The following GALNT13 variants were observed in gnomAD, a reference collection of about 807,000 sequenced individuals.
GALNT13 encodes the protein polypeptide N-acetylgalactosaminyltransferase 13.
Under a neutral mutation model 64.2 loss-of-function variants are expected in GALNT13, and 28 were observed. The observed-to-expected ratio is 0.44, with a 90% CI of 0.32 to 0.60. The LOEUF is 0.60. Among genes scored for constraint, GALNT13 ranks in the 20% least tolerant of loss-of-function variants. GALNT13 has a pLI of 0.05. For missense variants in GALNT13, 577 were observed against 669.8 expected (o/e 0.86, Z 1.53); for synonymous variants, 214 against 224.6 (o/e 0.95, Z 0.42).
the GALNT13 span, among the ~76,000 whole-genome samples, chr2:153,338,224 T>C: frequency 6.6e-6 from 1 of 152,038 alleles, no homozygotes; most frequent in African/African-American, 2.4e-5. Context: ...GCCCAGAAGA[T>C]TGAGGCTGCA....
chr2:154,314,138 G>A (rs538808095), intron 9 of GALNT13, among the ~76,000 whole-genome samples: 1 of 152,150 alleles, frequency 6.6e-6, no homozygotes, highest in Admixed American at 6.5e-5. Context: ...AAGTACATAC[G>A]GAGGCTTTAT....
chr2:153,539,598 GC>G, the GALNT13 span, among the ~76,000 whole-genome samples: 1 of 151,706 alleles, frequency 6.6e-6, no homozygotes, highest in Non-Finnish European at 1.5e-5. Context: ...TCCAGTTTCA[GC>G]TTTCTACATA....
the GALNT13 span, among the ~76,000 whole-genome samples, chr2:153,499,982 C>T: frequency 1.3e-5 from 2 of 152,124 alleles, no homozygotes; most frequent in Admixed American, 1.3e-4. Context: ...TGCTTGTTCC[C>T]ACCAGCTCCC....
rs879810116 is a variant in GALNT13 at position 154,123,684 on chromosome 2, A to G, written c.143-16653A>G. On this transcript the variant is annotated intron_variant, in intron 3 of 12. Transcript: ENST00000392825. ...TTCTTATAAAGTTAAGAAATGTACTACCATTTAATCCAGAAAATGACTATT... is the reference window on the plus strand; with the variant it reads ...TTCTTATAAAGTTAAGAAATGTACTGCCATTTAATCCAGAAAATGACTATT... Among the ~76,000 whole-genome samples, 3 of 152,032 alleles carry G rather than the reference A, an allele frequency of 2.0e-5. No homozygotes were observed. The South Asian group carries it at 6.2e-4, about 31-fold the overall frequency.
At chr2:153,453,651 G>A in the GALNT13 span, among the ~76,000 whole-genome samples, 1 of 152,120 alleles carries the variant, frequency 6.6e-6, no homozygotes, top group Non-Finnish European at 1.5e-5. Flanking sequence ...AAAGAGAATA[G>A]TTTTACACTG....
chr2:154,159,463 C>A (rs959738635), intron 4 of GALNT13, among the ~76,000 whole-genome samples: 1 of 152,088 alleles, frequency 6.6e-6, no homozygotes, highest in African/African-American at 2.4e-5. Flanking sequence ...AGGGGACTTT[C>A]ATCTGTATGG....
At chr2:153,661,510 G>A in the GALNT13 span, among the ~76,000 whole-genome samples, 1 of 151,924 alleles carries the variant, frequency 6.6e-6, no homozygotes, top group African/African-American at 2.4e-5. Context: ...CTAATTGTAA[G>A]AAGAAAAACA....
At chr2:154,306,911 A>G (rs1171824216) in intron 9 of GALNT13, among the ~76,000 whole-genome samples, 1 of 152,030 alleles carries the variant, frequency 6.6e-6, no homozygotes, top group African/African-American at 2.4e-5. Flanking sequence ...ATAATTTTTC[A>G]TCTTGTGGCT....
At chr2:153,706,570 C>T in the GALNT13 span, among the ~76,000 whole-genome samples, 4 of 152,146 alleles carry the variant, frequency 2.6e-5, no homozygotes, top group African/African-American at 4.8e-5. Flanking sequence ...GTAAAGTATA[C>T]GTGTGTGCAC....
intron 4 of GALNT13, among the ~76,000 whole-genome samples, chr2:154,237,975 C>G (rs1474363299): frequency 1.3e-5 from 2 of 151,964 alleles, no homozygotes. Context: ...TGTTAATCAA[C>G]AGCTGACTGA....
intron 3 of GALNT13, among the ~76,000 whole-genome samples, chr2:153,994,831 T>G (rs1695410314): frequency 6.6e-6 from 1 of 152,110 alleles, no homozygotes; most frequent in Non-Finnish European, 1.5e-5. Context: ...TTTTTTCAGA[T>G]GAGTAGATTG....
At chr2:154,148,438 A>C (rs1347140842) in intron 4 of GALNT13, among the ~76,000 whole-genome samples, 3 of 152,094 alleles carry the variant, frequency 2.0e-5, no homozygotes, top group East Asian at 1.9e-4. Flanking sequence ...TGGGTATATA[A>C]CCAGTAATGG....
chr2:153,328,339 A>G, the GALNT13 span, among the ~76,000 whole-genome samples: 1 of 152,250 alleles, frequency 6.6e-6, no homozygotes, highest in African/African-American at 2.4e-5. Flanking sequence ...CTGTGCTGGG[A>G]GATCCATTGC....
chr2:153,575,395 C>T, the GALNT13 span, among the ~76,000 whole-genome samples: 5 of 152,300 alleles, frequency 3.3e-5, no homozygotes, highest in Admixed American at 1.3e-4. Flanking sequence ...TTGCTCAGGG[C>T]GTTGGAGCTC....
chr2:154,414,755 A>G (rs1046815163), intron 11 of GALNT13, among the ~76,000 whole-genome samples: 1 of 151,794 alleles, frequency 6.6e-6, no homozygotes, highest in African/African-American at 2.4e-5. Flanking sequence ...CTGGTCATGC[A>G]TTTTGCAAAC....
intron 9 of GALNT13, among the ~76,000 whole-genome samples, chr2:154,383,104 G>A (rs1186541494): frequency 1.3e-5 from 2 of 151,874 alleles, no homozygotes; most frequent in African/African-American, 4.8e-5. Context: ...GCCAGAGTAA[G>A]TGGTTGATTT....
At chr2:153,757,953 T>C in the GALNT13 span, among the ~76,000 whole-genome samples, 1 of 152,158 alleles carries the variant, frequency 6.6e-6, no homozygotes, top group Admixed American at 6.6e-5. Flanking sequence ...ATTCTGTTAA[T>C]TTTTTTCTTT....
chr2:154,403,754 T>A (rs1699404573), intron 10 of GALNT13, among the ~76,000 whole-genome samples: 1 of 152,142 alleles, frequency 6.6e-6, no homozygotes, highest in South Asian at 2.1e-4. Context: ...TCACCTGTTG[T>A]CTAGATAACC....
chr2:153,285,068 C>T, the GALNT13 span, among the ~76,000 whole-genome samples: 3 of 150,284 alleles, frequency 2.0e-5, no homozygotes, highest in Admixed American at 2.0e-4. Context: ...AATTGACTCA[C>T]AGTTCCACAT....
Sources: gnomAD v4.1 joint callset for allele counts (sites outside exome capture counted in the v4.1 genomes callset) on GRCh38, gnomAD v4.1.1 for gene constraint, MANE v1.5 for transcripts, NCBI Gene and HGNC (gene_info 2026-07-23, HGNC 2026-07-21) for gene names.